The following SGCZ variants were observed in gnomAD, a reference collection of about 807,000 sequenced individuals.
SGCZ encodes the protein sarcoglycan zeta.
SGCZ carries 40 observed loss-of-function variants against 41.3 expected under a neutral mutation model. That is an observed-to-expected ratio of 0.97 (90% CI 0.75 to 1.26). SGCZ has a LOEUF of 1.26. Among genes scored for constraint, SGCZ ranks in the 50% most tolerant of loss-of-function variants. The probability of loss-of-function intolerance (pLI) is 0.00; values close to 1 mark genes in which losing one functional copy is unlikely to be tolerated. For synonymous variants in SGCZ, 206 were observed against 137.5 expected (o/e 1.50, Z -3.49); for missense variants, 552 against 369.8 (o/e 1.49, Z -4.04).
intron 2 of SGCZ, among the ~76,000 whole-genome samples, chr8:14,326,448 T>C (rs911419263): frequency 1.3e-5 from 2 of 152,134 alleles, no homozygotes; most frequent in Non-Finnish European, 2.9e-5. Flanking sequence ...AAGGACTCTT[T>C]AAATTTTTTA....
At position 15,068,253 on chromosome 8, in the gene SGCZ, G is replaced by T. The variant is rs1382110723; in HGVS notation, c.39+169332C>A. 1.3e-5 allele frequency among the ~76,000 whole-genome samples: 2 copies of T among 152,154 alleles called. 1 individual carries two copies. Among genetic ancestry groups the T allele is most frequent in the South Asian group, 4.1e-4 (2 of 4,834 alleles). ...AACATCATTGTGATACTCATCCTTT[G>T]TTTCTGATTTCCATTCTAAAGAGAC... On this transcript the variant is annotated intron_variant, in intron 1 of 7. Transcript: ENST00000382080.
chr8:15,141,271 C>T (rs187386697), intron 1 of SGCZ, among the ~76,000 whole-genome samples: 12 of 152,342 alleles, frequency 7.9e-5, no homozygotes, highest in Admixed American at 6.5e-4. Context: ...TTCAAACCCA[C>T]TGCAGTCTGA....
At chr8:14,840,431 A>G (rs574765846) in intron 1 of SGCZ, among the ~76,000 whole-genome samples, 1 of 152,284 alleles carries the variant, frequency 6.6e-6, no homozygotes, top group South Asian at 2.1e-4. Flanking sequence ...TAATAATACA[A>G]TGTTGCGGAA....
chr8:14,230,084 T>A (rs1332473177), intron 4 of SGCZ, among the ~76,000 whole-genome samples: 5 of 152,152 alleles, frequency 3.3e-5, no homozygotes, highest in Non-Finnish European at 7.4e-5. Context: ...ATGGCTAAGA[T>A]GTCAAAACAT....
rs75830367 is a variant in SGCZ at position 14,338,201 on chromosome 8, G to C, written c.235-13997C>G. On this transcript the variant is annotated intron_variant, in intron 2 of 7. Transcript: ENST00000382080. ...TAAATGGAAAAGTGCAGTCGTCTTA[G>C]CCTGAGAAAGGCTCAGACTCCTAAG... 3.0e-3 allele frequency among the ~76,000 whole-genome samples: 460 copies of C among 152,260 alleles called. 5 individuals carry two copies. The highest frequency in any genetic ancestry group is 0.01 in the African/African-American group (426 of 41,558).
At chr8:14,917,938 G>C (rs950770440) in intron 1 of SGCZ, among the ~76,000 whole-genome samples, 10 of 151,954 alleles carry the variant, frequency 6.6e-5, no homozygotes, top group Non-Finnish European at 1.3e-4. Flanking sequence ...ACCCTTAGTG[G>C]TGTTCTGCAA....
At chr8:14,577,210 A>G (rs557832937) in intron 1 of SGCZ, among the ~76,000 whole-genome samples, 2 of 152,236 alleles carry the variant, frequency 1.3e-5, no homozygotes, top group African/African-American at 4.8e-5. Context: ...CCATTCAGTA[A>G]CAATAGATTA....
chr8:14,287,808 G>C (rs1800692618), intron 3 of SGCZ, among the ~76,000 whole-genome samples: 3 of 152,026 alleles, frequency 2.0e-5, no homozygotes, highest in Non-Finnish European at 2.9e-5. Context: ...CAGGATTCTT[G>C]GTTTGGGCAG....
At chr8:14,944,833 C>G (rs961450518) in intron 1 of SGCZ, among the ~76,000 whole-genome samples, 3 of 152,072 alleles carry the variant, frequency 2.0e-5, no homozygotes, top group Admixed American at 6.6e-5. Context: ...CCCTCTCACA[C>G]CATCATAAAG....
chr8:14,091,091 G>C (rs1486124520), intron 7 of SGCZ, among the ~76,000 whole-genome samples: 3 of 151,822 alleles, frequency 2.0e-5, no homozygotes, highest in Non-Finnish European at 4.4e-5. Flanking sequence ...GCAGTGTTTG[G>C]TTTTCTTTTC....
intron 1 of SGCZ, among the ~76,000 whole-genome samples, chr8:14,704,938 C>T (rs895753936): frequency 3.3e-5 from 5 of 151,960 alleles, no homozygotes; most frequent in Non-Finnish European, 7.4e-5. Flanking sequence ...GTTTTGTTCA[C>T]TGGTAATAGC....
chr8:14,644,860 G>C (rs1488282387), intron 1 of SGCZ, among the ~76,000 whole-genome samples: 1 of 151,396 alleles, frequency 6.6e-6, no homozygotes, highest in Non-Finnish European at 1.5e-5. Context: ...CAAACATTTT[G>C]ATGACGAAGA....
chr8:14,172,279 G>C (rs970867314), intron 4 of SGCZ, among the ~76,000 whole-genome samples: 3 of 152,100 alleles, frequency 2.0e-5, no homozygotes, highest in African/African-American at 4.8e-5. Flanking sequence ...AATGATGAAG[G>C]CTTTATCTCA....
chr8:14,709,516 C>T (rs1809445140), intron 1 of SGCZ, among the ~76,000 whole-genome samples: 1 of 152,100 alleles, frequency 6.6e-6, no homozygotes, highest in African/African-American at 2.4e-5. Flanking sequence ...TCACCCTTCT[C>T]AATTGTGCAG....
At chr8:15,090,108 A>C (rs950344590) in intron 1 of SGCZ, among the ~76,000 whole-genome samples, 1 of 152,216 alleles carries the variant, frequency 6.6e-6, no homozygotes, top group African/African-American at 2.4e-5. Context: ...AAGTGCCTTA[A>C]AAATGGAAAT....
chr8:14,146,890 A>AAAAAAAAAAAAAATAATAAT (rs1182329393), intron 5 of SGCZ, among the ~76,000 whole-genome samples: 16 of 116,200 alleles, frequency 1.4e-4, no homozygotes, highest in East Asian at 2.4e-4. Flanking sequence ...AAAATAAAAA[A>AAAAAAAAAAAAAATAATAAT]AATAATAATA....
chr8:14,273,364 G>A (rs1466069072), intron 3 of SGCZ, among the ~76,000 whole-genome samples: 1 of 151,858 alleles, frequency 6.6e-6, no homozygotes, highest in African/African-American at 2.4e-5. Flanking sequence ...GTTTTGAAAT[G>A]TGAGCACAAA....
At chr8:15,190,370 A>T (rs1181707718) in intron 1 of SGCZ, among the ~76,000 whole-genome samples, 1 of 152,054 alleles carries the variant, frequency 6.6e-6, no homozygotes, top group Non-Finnish European at 1.5e-5. Flanking sequence ...TCATTCATCT[A>T]TTATGTATTT....
At chr8:14,736,241 CATAAATCTT>C (rs767104008) in intron 1 of SGCZ, among the ~76,000 whole-genome samples, 41 of 152,084 alleles carry the variant, frequency 2.7e-4, no homozygotes, top group Non-Finnish European at 4.9e-4. Context: ...TTCAAAATCT[CATAAATCTT>C]AGAGCCAACA....
Sources: allele counts gnomAD v4.1 joint callset (sites outside exome capture counted in the v4.1 genomes callset), GRCh38; gene constraint gnomAD v4.1.1; transcripts MANE v1.5; gene names NCBI Gene and HGNC (gene_info 2026-07-23, HGNC 2026-07-21).